Variants in CACNA1S observed in about 807,000 individuals in gnomAD.
CACNA1S encodes voltage-dependent L-type calcium channel subunit alpha-1S.
CACNA1S carries 126 observed loss-of-function variants against 207.4 expected under a neutral mutation model. That is an observed-to-expected ratio of 0.61 (90% CI 0.53 to 0.70). The LOEUF (loss-of-function observed/expected upper bound fraction) is 0.70, where lower values mean the gene tolerates loss of function less well. Ranked by LOEUF, CACNA1S falls within the 30% of genes least tolerant of loss-of-function variation. The pLI is 0.00. For missense variants in CACNA1S, 2,349 were observed against 2,422.8 expected, an observed-to-expected ratio of 0.97 and a Z score of 0.64; for synonymous variants, 960 against 932.7, an observed-to-expected ratio of 1.03 and a Z score of -0.53.
intron 2 of CACNA1S, among the ~76,000 whole-genome samples, chr1:201,109,718 G>A (rs1663027053): frequency 6.6e-6 from 1 of 152,150 alleles, no homozygotes; most frequent in Non-Finnish European, 1.5e-5. Flanking sequence ...TCAGATTCCT[G>A]GATAAAACTC....
intron 2 of CACNA1S, among the ~76,000 whole-genome samples, chr1:201,099,311 G>A (rs989823899): frequency 1.3e-5 from 2 of 152,182 alleles, no homozygotes; most frequent in Non-Finnish European, 2.9e-5. Flanking sequence ...CTCCCCATGT[G>A]CCCCGCTGGA....
chr1:201,083,243 C>T lies in CACNA1S; in HGVS notation c.1312G>A (p.Val438Met), dbSNP rs752356604. The T allele has an allele frequency of 1.2e-6, 2 of 1,614,212 alleles. No homozygotes were observed. Among genetic ancestry groups the T allele is most frequent in the South Asian group, 2.2e-5 (2 of 91,084 alleles). The part of the protein sequence containing the change: ...IVKSKVFYWL[V>M]ILIVALNTLS... ...GTGTTGAGGGCAACGATGAGAATCA[C>T]CAGCCAATAGAAGACCTTGGACTTC... Residue 438 changes from valine (V) to methionine (M), a missense_variant, in exon 10 of 44, where the codon GTG (valine) becomes ATG (methionine). Val to Met is a conservative substitution (Grantham distance 21, BLOSUM62 1). Transcript: ENST00000362061.
In CACNA1S at chr1:201,043,991, G is replaced by A. The variant is rs147979527; in HGVS notation, c.4797+337C>T. Among the ~76,000 whole-genome samples, 861 of 152,278 alleles carry A rather than the reference G, an allele frequency of 5.7e-3. 12 individuals carry two copies. Among genetic ancestry groups the A allele is most frequent in the African/African-American group, 0.02 (822 of 41,546 alleles). On this transcript the variant is annotated intron_variant, in intron 39 of 43. Coordinates refer to ENST00000362061, the MANE Select transcript of CACNA1S (RefSeq NM_000069.3). ...TATAAGAAACATGAGACAGAGCTAA[G>A]GATGGAGGACTGGCCTCAGTGGAGG...
chr1:201,085,385 G>A (rs771637623), intron 8 of CACNA1S, 51 bp downstream of exon 8: 2 of 1,611,538 alleles, frequency 1.2e-6, no homozygotes, highest in Non-Finnish European at 1.7e-6. Context: ...TGACTCAGAG[G>A]TGGGAGTGAG....
rs558189849 is a variant in CACNA1S, at chr1:201,059,057, G to T, written c.3525+132C>A. 175 of 647,570 alleles carry T rather than the reference G, an allele frequency of 2.7e-4. No homozygotes were observed. In the African/African-American group the frequency reaches 2.7e-3, roughly 10 times the overall value. The allele number at this position is 647,570 out of a possible 1,614,324, so 40.1% of individuals were successfully genotyped here. A position where few individuals can be genotyped will look rare whatever the true frequency, so the allele number is the denominator to read the frequency against. On this transcript the variant is annotated intron_variant, in intron 27 of 43. Coordinates refer to ENST00000362061, the MANE Select transcript of CACNA1S (RefSeq NM_000069.3). ...TCTGAAGGTGGAAGTGGGCAAAGGG[G>T]TGAGCAAGTTGGGAGCAGAAGTGCT...
intron 6 of CACNA1S, 64 bp downstream of exon 6, chr1:201,089,194 C>A: frequency 6.6e-7 from 1 of 1,525,478 alleles, no homozygotes; most frequent in Admixed American, 1.7e-5. Context: ...AGCCCTCCCT[C>A]CCCACTCCCT....
chr1:201,095,840 G>T (rs1489206862), intron 2 of CACNA1S, among the ~76,000 whole-genome samples: 1 of 152,216 alleles, frequency 6.6e-6, no homozygotes, highest in Admixed American at 6.5e-5. Context: ...CCTGGCAAGA[G>T]GAGCGGGCTG....
At chr1:201,071,734 T>C (rs950022401) in intron 16 of CACNA1S, among the ~76,000 whole-genome samples, 1 of 152,200 alleles carries the variant, frequency 6.6e-6, no homozygotes, top group Admixed American at 6.5e-5. Context: ...TAAGAGGTGA[T>C]AACTGTTAGA....
chr1:201,099,227 G>A (rs376261037), intron 2 of CACNA1S, among the ~76,000 whole-genome samples: 28 of 152,362 alleles, frequency 1.8e-4, no homozygotes, highest in African/African-American at 6.5e-4. Flanking sequence ...CACAGAGGCA[G>A]CAGATACCAC....
chr1:201,057,704 G>A (rs1660894586), intron 28 of CACNA1S, among the ~76,000 whole-genome samples: 1 of 152,196 alleles, frequency 6.6e-6, no homozygotes, highest in Admixed American at 6.5e-5. Flanking sequence ...GCTCACACCT[G>A]TAATCCCAGC....
At chr1:201,092,690 C>G (rs2147798) in intron 3 of CACNA1S, among the ~76,000 whole-genome samples, 102,300 of 152,122 alleles carry the variant, frequency 0.67, 36,421 homozygotes, top group Non-Finnish European at 0.81. Context: ...AACAACAATG[C>G]GCTGTGAGGT....
intron 16 of CACNA1S, among the ~76,000 whole-genome samples, chr1:201,071,832 A>G (rs1661444060): frequency 1.3e-5 from 2 of 152,238 alleles, no homozygotes; most frequent in South Asian, 4.1e-4. Flanking sequence ...TATTTGTACC[A>G]GCTCCATTCT....
chr1:201,046,120 T>C (rs1244237580), intron 38 of CACNA1S, among the ~76,000 whole-genome samples: 3 of 151,976 alleles, frequency 2.0e-5, no homozygotes, highest in African/African-American at 7.2e-5. Flanking sequence ...AAACAAAAAG[T>C]TCTAAAGTTT....
At chr1:201,072,349 A>G (rs562603614) in intron 16 of CACNA1S, among the ~76,000 whole-genome samples, 17 of 152,002 alleles carry the variant, frequency 1.1e-4, no homozygotes, top group Non-Finnish European at 2.4e-4. Context: ...CCCCAGCCCT[A>G]CCAGACACTG....
chr1:201,079,554 T>TC (rs1661766917), intron 10 of CACNA1S, among the ~76,000 whole-genome samples: 1 of 135,024 alleles, frequency 7.4e-6, no homozygotes, highest in Non-Finnish European at 1.6e-5. Flanking sequence ...TCCCCACCCC[T>TC]ACCCCTCCAC....
chr1:201,054,778 G>C (rs1572029976), intron 28 of CACNA1S, among the ~76,000 whole-genome samples: 1 of 152,160 alleles, frequency 6.6e-6, no homozygotes, highest in East Asian at 1.9e-4. Context: ...GCAAGAGGTG[G>C]GGGACAAGGA....
chr1:201,073,756 G>A lies in CACNA1S; in HGVS notation c.2064-114C>T, dbSNP rs780990728. On this transcript the variant is annotated intron_variant, in intron 14 of 43. Coordinates refer to ENST00000362061, the MANE Select transcript of CACNA1S (RefSeq NM_000069.3). The stretch of plus-strand genomic sequence containing the variant: ...CAAGGGCTCCAGGGGATCTGTAGGA[G>A]GAGTGGCATCAGCCCCCAAATGGGA... The A allele has an allele frequency of 6.2e-5, 55 of 881,034 alleles. No individual in the cohort carries two copies. The Middle Eastern group carries it at 6.5e-4, about 10-fold the overall frequency. The allele number at this position is 881,034 out of a possible 1,614,324, so 54.6% of individuals were successfully genotyped here.
rs145556506 is a variant in CACNA1S at position 201,057,114 on chromosome 1, G to T, written c.3609+1294C>A. ...CTGTTCACACTTAAACCCTCCAAAG[G>T]GTTCTCATCTCCCTCAGAATAAAAT... On this transcript the variant is annotated intron_variant, in intron 28 of 43. Coordinates refer to ENST00000362061, the MANE Select transcript of CACNA1S (RefSeq NM_000069.3). Among the ~76,000 whole-genome samples, 1,245 of 152,248 alleles carry T rather than the reference G, an allele frequency of 8.2e-3. 10 individuals carry two copies. The highest frequency in any genetic ancestry group is 0.013 in the Non-Finnish European group (861 of 68,012).
intron 22 of CACNA1S, 68 bp from the exon 23 acceptor site, chr1:201,062,582 T>G (rs1661099518): frequency 6.9e-7 from 1 of 1,449,646 alleles, no homozygotes; most frequent in Non-Finnish European, 9.6e-7. Context: ...AAAAGTGGGC[T>G]CTGGGAGTGA....
Sources: gnomAD v4.1 joint callset for allele counts (sites outside exome capture counted in the v4.1 genomes callset) on GRCh38, gnomAD v4.1.1 for gene constraint, MANE v1.5 for transcripts, NCBI Gene and HGNC (gene_info 2026-07-23, HGNC 2026-07-21) for gene names.